The following TGFB2 variants were observed in gnomAD, a reference collection of about 807,000 sequenced individuals.
The protein encoded by TGFB2 is transforming growth factor beta 2, also known as transforming growth factor beta-2 proprotein.
A neutral mutation model predicts 42.7 loss-of-function variants in TGFB2; 13 were observed. That is an observed-to-expected ratio of 0.30 (90% CI 0.20 to 0.48). The LOEUF (loss-of-function observed/expected upper bound fraction) is 0.48. Among genes scored for constraint, TGFB2 ranks in the 20% least tolerant of loss-of-function variants. The probability of loss-of-function intolerance (pLI) is 0.99; values close to 1 mark genes in which losing one functional copy is unlikely to be tolerated. For missense variants in TGFB2, 390 were observed against 517.5 expected (o/e 0.75, Z 2.39); for synonymous variants, 193 against 193.6 (o/e 1.00, Z 0.03).
intron 1 of TGFB2, among the ~76,000 whole-genome samples, chr1:218,361,614 G>A (rs569880871): frequency 6.6e-6 from 1 of 152,132 alleles, no homozygotes; most frequent in African/African-American, 2.4e-5. Flanking sequence ...TGCTAACCAA[G>A]TGACTTACTC....
chr1:218,365,137 C>T (rs939202438), intron 1 of TGFB2, among the ~76,000 whole-genome samples: 3 of 152,128 alleles, frequency 2.0e-5, no homozygotes, highest in African/African-American at 7.2e-5. Context: ...GAGAGGTAAA[C>T]ACCTTGTCCT....
At chr1:218,425,196 T>A (rs946610355) in intron 2 of TGFB2, among the ~76,000 whole-genome samples, 1 of 152,008 alleles carries the variant, frequency 6.6e-6, no homozygotes, top group Admixed American at 6.6e-5. Context: ...CGTTTTTTGT[T>A]TGTTTGTTTG....
At chr1:218,376,852 A>G (rs1210002451) in intron 1 of TGFB2, among the ~76,000 whole-genome samples, 2 of 152,252 alleles carry the variant, frequency 1.3e-5, no homozygotes, top group African/African-American at 4.8e-5. Flanking sequence ...ATTTACAAGC[A>G]AAGTTCAATC....
chr1:218,404,132 AG>A (rs919899798), intron 1 of TGFB2, among the ~76,000 whole-genome samples: 3 of 150,700 alleles, frequency 2.0e-5, no homozygotes, highest in Admixed American at 6.6e-5. Flanking sequence ...TTGATATTTG[AG>A]ATGGAACCTC....
chr1:218,362,164 A>T (rs1054807898), intron 1 of TGFB2, among the ~76,000 whole-genome samples: 4 of 152,230 alleles, frequency 2.6e-5, no homozygotes, highest in African/African-American at 9.6e-5. Context: ...ATATGGCAAA[A>T]ATAAAAAATA....
intron 2 of TGFB2, among the ~76,000 whole-genome samples, chr1:218,416,585 T>G (rs905930632): frequency 4.6e-5 from 7 of 152,196 alleles, no homozygotes; most frequent in Admixed American, 2.0e-4. Flanking sequence ...GGTTCTTATA[T>G]TTCTGAAAGT....
rs1413373402 is a variant in TGFB2 at position 218,441,230 on chromosome 1, T to C, written c.1113T>C (p.Asn371=). 1.2e-6 allele frequency: 2 copies of C among 1,613,572 alleles called. No homozygotes were observed. Among genetic ancestry groups the C allele is most frequent in the Non-Finnish European group, 1.7e-6 (2 of 1,179,854 alleles). ...TCCTGAGCTTATATAATACCATAAA[T>C]CCAGAAGCATCTGCTTCTCCTTGCT... The part of the protein sequence containing the change: ...SRVLSLYNTI[N]PEASASPCCV... The change falls in exon 7 of 7, where the codon AAT becomes AAC. Residue 371 remains asparagine, a synonymous_variant. Coordinates refer to ENST00000366930, the MANE Select transcript of TGFB2 (RefSeq NM_003238.6).
intron 2 of TGFB2, among the ~76,000 whole-genome samples, chr1:218,419,211 A>G (rs950804913): frequency 2.2e-4 from 33 of 151,012 alleles, no homozygotes; most frequent in African/African-American, 8.1e-4. Context: ...GGGCTCCCCC[A>G]TTTGTCAATG....
intron 1 of TGFB2, among the ~76,000 whole-genome samples, chr1:218,348,918 G>A (rs1162868109): frequency 6.6e-6 from 1 of 152,198 alleles, no homozygotes; most frequent in East Asian, 1.9e-4. Context: ...GGTGTGGAGA[G>A]AGCAAGTAAC....
chr1:218,366,935 G>A (rs562841443), intron 1 of TGFB2, among the ~76,000 whole-genome samples: 28 of 152,272 alleles, frequency 1.8e-4, no homozygotes, highest in African/African-American at 6.3e-4. Context: ...TTTTTGCCAC[G>A]TGCTTTCCAT....
At chr1:218,366,628 A>G (rs763127528) in intron 1 of TGFB2, among the ~76,000 whole-genome samples, 18 of 152,178 alleles carry the variant, frequency 1.2e-4, no homozygotes, top group South Asian at 2.1e-4. Context: ...GGTGTTTCTC[A>G]AAGTGTGATA....
chr1:218,405,658 C>T, intron 2 of TGFB2: 1 of 371,114 alleles, frequency 2.7e-6, no homozygotes, highest in South Asian at 2.5e-5. Flanking sequence ...CATGAGCCAC[C>T]ATACCTGGCT....
intron 2 of TGFB2, among the ~76,000 whole-genome samples, chr1:218,408,982 A>G (rs1361370809): frequency 6.6e-6 from 1 of 152,180 alleles, no homozygotes; most frequent in African/African-American, 2.4e-5. Context: ...GTGATGGGAG[A>G]CAGTGTCCGA....
chr1:218,402,479 C>T (rs1658756701), intron 1 of TGFB2, among the ~76,000 whole-genome samples: 1 of 152,122 alleles, frequency 6.6e-6, no homozygotes, highest in African/African-American at 2.4e-5. Context: ...ACAAAATTGA[C>T]CTCATGGTCT....
chr1:218,376,863 C>T (rs1193868129), intron 1 of TGFB2, among the ~76,000 whole-genome samples: 1 of 152,150 alleles, frequency 6.6e-6, no homozygotes, highest in African/African-American at 2.4e-5. Flanking sequence ...AAGTTCAATC[C>T]AAACACATAG....
At chr1:218,422,584 T>C (rs980178664) in intron 2 of TGFB2, among the ~76,000 whole-genome samples, 4 of 152,090 alleles carry the variant, frequency 2.6e-5, no homozygotes, top group African/African-American at 7.2e-5. Context: ...TTAGTGCTGG[T>C]TTTTTGGATG....
chr1:218,373,358 AGTG>A (rs957366188), intron 1 of TGFB2, among the ~76,000 whole-genome samples: 3 of 152,086 alleles, frequency 2.0e-5, no homozygotes, highest in African/African-American at 4.8e-5. Flanking sequence ...TGGTTGGGGC[AGTG>A]GATCCTGTCT....
intron 1 of TGFB2, among the ~76,000 whole-genome samples, chr1:218,379,123 T>TTTG (rs1657859657): frequency 1.1e-5 from 1 of 91,912 alleles, no homozygotes; most frequent in South Asian, 2.7e-4. Flanking sequence ...ATTTTCTTTC[T>TTTG]TTCTTTCTTT....
chr1:218,353,514 C>T (rs1157222570), intron 1 of TGFB2, among the ~76,000 whole-genome samples: 16 of 152,308 alleles, frequency 1.1e-4, no homozygotes, highest in East Asian at 3.9e-4. Flanking sequence ...TCCTCTTTGC[C>T]TTTACCCAAA....
Sources: gnomAD v4.1 joint callset for allele counts (sites outside exome capture counted in the v4.1 genomes callset) on GRCh38, gnomAD v4.1.1 for gene constraint, MANE v1.5 for transcripts, NCBI Gene and HGNC (gene_info 2026-07-23, HGNC 2026-07-21) for gene names.